The following RORB variants were observed in gnomAD, a reference collection of about 807,000 sequenced individuals.
RORB encodes the protein RAR related orphan receptor B, also known as nuclear receptor ROR-beta.
In RORB, 6 loss-of-function variants were observed where a neutral mutation model predicts 59.1. The observed-to-expected ratio is 0.10, with a 90% CI of 0.06 to 0.20. The LOEUF (loss-of-function observed/expected upper bound fraction) is 0.20, where lower values mean the gene tolerates loss of function less well. Ranked by LOEUF, RORB falls within the 10% of genes least tolerant of loss-of-function variation. The pLI is 1.00. For synonymous variants in RORB, 215 were observed against 204.5 expected, an observed-to-expected ratio of 1.05 and a Z score of -0.44; for missense variants, 320 against 560.5, an observed-to-expected ratio of 0.57 and a Z score of 4.33.
intron 3 of RORB, among the ~76,000 whole-genome samples, chr9:74,638,532 T>C (rs1270766579): frequency 6.8e-6 from 1 of 147,106 alleles, no homozygotes; most frequent in African/African-American, 2.4e-5. Context: ...CAAGTGAATG[T>C]CATTAACAGA....
At chr9:74,634,013 T>C (rs1459976321) in intron 2 of RORB, among the ~76,000 whole-genome samples, 3 of 151,376 alleles carry the variant, frequency 2.0e-5, no homozygotes, top group East Asian at 3.9e-4. Context: ...CAGTACACTA[T>C]GATCCTGCCT....
chr9:74,579,280 AT>A (rs1215557530), intron 1 of RORB, among the ~76,000 whole-genome samples: 1 of 152,164 alleles, frequency 6.6e-6, no homozygotes, highest in African/African-American at 2.4e-5. Context: ...CTACTGTTTT[AT>A]TACTTATTAA....
At chr9:74,600,042 A>G (rs941739503) in intron 1 of RORB, among the ~76,000 whole-genome samples, 3 of 152,160 alleles carry the variant, frequency 2.0e-5, no homozygotes, top group Non-Finnish European at 4.4e-5. Context: ...CTCTCAGATA[A>G]TGAACACTTT....
chr9:74,644,635 GTCAT>G (rs1823866567), intron 4 of RORB, among the ~76,000 whole-genome samples: 1 of 152,214 alleles, frequency 6.6e-6, no homozygotes, highest in South Asian at 2.1e-4. Context: ...ATTTAAAATA[GTCAT>G]TCAAACTTTT....
intron 4 of RORB, among the ~76,000 whole-genome samples, chr9:74,644,649 T>C (rs1181117613): frequency 1.3e-5 from 2 of 152,166 alleles, no homozygotes; most frequent in East Asian, 3.9e-4. Flanking sequence ...TTCAAACTTT[T>C]CAAGAGGGAA....
At chr9:74,614,138 A>T (rs566767515) in intron 1 of RORB, among the ~76,000 whole-genome samples, 2 of 152,204 alleles carry the variant, frequency 1.3e-5, no homozygotes, top group African/African-American at 4.8e-5. Flanking sequence ...GAAGTTGAGA[A>T]ATATCCACCT....
chr9:74,660,767 T>G, intron 5 of RORB, 29 bp downstream of exon 5: 1 of 1,603,548 alleles, frequency 6.2e-7, no homozygotes, highest in Non-Finnish European at 8.5e-7. Context: ...AGAAAGTTTT[T>G]CTGTGATTAC....
chr9:74,667,576 ATGT>A (rs1751504251), intron 7 of RORB, among the ~76,000 whole-genome samples: 1 of 152,196 alleles, frequency 6.6e-6, no homozygotes, highest in African/African-American at 2.4e-5. Context: ...TTGGTAGGTA[ATGT>A]TAACTTGGAT....
At chr9:74,639,588 TTG>T (rs1219173386) in intron 3 of RORB, among the ~76,000 whole-genome samples, 1 of 152,174 alleles carries the variant, frequency 6.6e-6, no homozygotes. Flanking sequence ...CCTATAAATT[TTG>T]AACCAATAAA....
At chr9:74,550,769 G>A (rs929475589) in intron 1 of RORB, among the ~76,000 whole-genome samples, 20 of 152,292 alleles carry the variant, frequency 1.3e-4, no homozygotes, top group South Asian at 2.1e-4. Context: ...TATCTGCTGG[G>A]CATTATCTCT....
In RORB at chr9:74,501,981, A is replaced by G. The variant is rs560764675; in HGVS notation, c.7+3998A>G. Among the ~76,000 whole-genome samples, 9 of 152,328 alleles carry G rather than the reference A, an allele frequency of 5.9e-5. No homozygotes were observed. In the South Asian group the frequency reaches 6.2e-4, roughly 11 times the overall value. ...ATCAACCACAATATAGCTTTTGCTCATTAGAGAATCCCTAAGAGATGAGTT... is the reference window on the plus strand; with the variant it reads ...ATCAACCACAATATAGCTTTTGCTCGTTAGAGAATCCCTAAGAGATGAGTT... On this transcript the variant is annotated intron_variant, in intron 1 of 9. Transcript: ENST00000376896.
intron 8 of RORB, among the ~76,000 whole-genome samples, chr9:74,669,501 A>G (rs1824316984): frequency 6.6e-6 from 1 of 150,576 alleles, no homozygotes. Context: ...AAAAAAGTAT[A>G]TGCCAACTTA....
chr9:74,670,270 G>C (rs1313576058), intron 8 of RORB, among the ~76,000 whole-genome samples: 1 of 152,196 alleles, frequency 6.6e-6, no homozygotes, highest in Non-Finnish European at 1.5e-5. Context: ...CTATGGATGA[G>C]GGAGATGGTT....
At chr9:74,604,636 T>A (rs1352831532) in intron 1 of RORB, among the ~76,000 whole-genome samples, 2 of 152,214 alleles carry the variant, frequency 1.3e-5, no homozygotes, top group African/African-American at 4.8e-5. Flanking sequence ...AATTATTATT[T>A]GTTAGTAAGT....
intron 1 of RORB, among the ~76,000 whole-genome samples, chr9:74,554,486 C>T (rs1477094646): frequency 7.0e-6 from 1 of 143,278 alleles, no homozygotes; most frequent in African/African-American, 3.0e-5. Context: ...TGAGCAGACA[C>T]AGTCAGCCCT....
intron 1 of RORB, among the ~76,000 whole-genome samples, chr9:74,514,111 C>T (rs1228844617): frequency 6.6e-6 from 1 of 152,096 alleles, no homozygotes; most frequent in Non-Finnish European, 1.5e-5. Flanking sequence ...CTTAGATGAC[C>T]ACGCACAATC....
chr9:74,498,242 C>T (rs1825741554), intron 1 of RORB: 2 of 576,424 alleles, frequency 3.5e-6, no homozygotes, highest in South Asian at 4.4e-5. Context: ...TGGTTCTTAC[C>T]AGTCCTTGAG....
At chr9:74,577,925 CG>C (rs1822662741) in intron 1 of RORB, among the ~76,000 whole-genome samples, 1 of 151,884 alleles carries the variant, frequency 6.6e-6, no homozygotes, top group African/African-American at 2.4e-5. Flanking sequence ...CCACAGTTCT[CG>C]GGCCCCAACT....
chr9:74,536,943 C>T (rs754939372), intron 1 of RORB, among the ~76,000 whole-genome samples: 4 of 151,958 alleles, frequency 2.6e-5, no homozygotes, highest in Non-Finnish European at 5.9e-5. Flanking sequence ...ATATTAATAT[C>T]GCACTTTTAT....
Sources: gnomAD v4.1 joint callset for allele counts (sites outside exome capture counted in the v4.1 genomes callset) on GRCh38, gnomAD v4.1.1 for gene constraint, MANE v1.5 for transcripts, NCBI Gene and HGNC (gene_info 2026-07-23, HGNC 2026-07-21) for gene names.